Variants in PLD3 observed in about 807,000 individuals in gnomAD.
PLD3 encodes 5'-3' exonuclease PLD3.
Under a neutral mutation model 58.4 loss-of-function variants are expected in PLD3, and 31 were observed. That is an observed-to-expected ratio of 0.53 (90% confidence interval 0.40 to 0.72). PLD3 has a LOEUF of 0.72. Among genes scored for constraint, PLD3 ranks in the 30% least tolerant of loss-of-function variants. The pLI, the probability that PLD3 is intolerant of heterozygous loss-of-function variation, is 0.00. For missense variants in PLD3, 595 were observed against 659.8 expected (o/e 0.90, Z 1.08); for synonymous variants, 264 against 273.4 (o/e 0.97, Z 0.34).
chr19:40,363,543 G>C (rs2078838998), intron 1 of PLD3, among the ~76,000 whole-genome samples: 1 of 152,154 alleles, frequency 6.6e-6, no homozygotes, highest in Non-Finnish European at 1.5e-5. Flanking sequence ...CAATTCTCCT[G>C]CCTCAGTCTC....
intron 6 of PLD3, among the ~76,000 whole-genome samples, chr19:40,368,700 C>T (rs951377075): frequency 1.4e-4 from 21 of 152,122 alleles, no homozygotes; most frequent in African/African-American, 4.8e-4. Flanking sequence ...CCCAAGAGTT[C>T]GAGACTAGCC....
At chr19:40,364,632 A>G (rs574290772) in intron 1 of PLD3, among the ~76,000 whole-genome samples, 2 of 151,102 alleles carry the variant, frequency 1.3e-5, no homozygotes, top group East Asian at 3.9e-4. Flanking sequence ...TCTACTAAAA[A>G]ATACAAAAAA....
intron 1 of PLD3, among the ~76,000 whole-genome samples, chr19:40,349,094 T>C (rs2078413331): frequency 6.6e-6 from 1 of 152,016 alleles, no homozygotes; most frequent in Admixed American, 6.6e-5. Context: ...CCACCATAGG[T>C]CGTAATCGCT....
chr19:40,366,703 C>A lies in PLD3; in HGVS notation c.102+19C>A, dbSNP rs775053348. ...GGAAAAGGTAGGAGCCCTCCGCCAC[C>A]CTCGCTCTGTCTCAGAGACAGGCTG... On this transcript the variant is annotated intron_variant, in intron 4 of 12. Coordinates refer to ENST00000409735, the MANE Select transcript of PLD3 (RefSeq NM_012268.4). 1.9e-6 allele frequency: 3 copies of A among 1,613,688 alleles called. No individual in the cohort carries two copies. The highest frequency in any genetic ancestry group is 1.1e-5 in the South Asian group (1 of 91,050).
chr19:40,354,176 C>T (rs1184635472), intron 1 of PLD3, among the ~76,000 whole-genome samples: 1 of 148,892 alleles, frequency 6.7e-6, no homozygotes, highest in Non-Finnish European at 1.5e-5. Context: ...TGGGGTCAAG[C>T]GATTCCCCTG....
In PLD3 at chr19:40,367,919, G is replaced by A. The variant is rs567330157; in HGVS notation, c.429+40G>A. The stretch of plus-strand genomic sequence containing the variant: ...GGCCCTGGCCGGCAGCAGGGGCAGG[G>A]GGTGGGAGGCAGCGGGGGCTGTGGG... On this transcript the variant is annotated intron_variant, in intron 6 of 12. Coordinates refer to ENST00000409735, the MANE Select transcript of PLD3 (RefSeq NM_012268.4). 6.9e-5 allele frequency: 103 copies of A among 1,502,488 alleles called. No individual in the cohort carries two copies. The East Asian group carries it at 2.1e-3, about 31-fold the overall frequency. 93.1% of individuals were successfully genotyped at this position (1,502,488 alleles called of 1,614,324 possible). A position where few individuals can be genotyped will look rare whatever the true frequency, so the allele number is the denominator to read the frequency against.
At chr19:40,364,446 A>G (rs531939505) in intron 1 of PLD3, among the ~76,000 whole-genome samples, 4 of 151,856 alleles carry the variant, frequency 2.6e-5, no homozygotes, top group South Asian at 4.2e-4. Flanking sequence ...TGAGTCCAGG[A>G]GTTCAGCCTG....
intron 1 of PLD3, among the ~76,000 whole-genome samples, chr19:40,349,328 G>C (rs186925901): frequency 2.0e-5 from 3 of 152,124 alleles, no homozygotes; most frequent in Non-Finnish European, 4.4e-5. Context: ...CCTCTGACCA[G>C]TCACCATCCA....
intron 1 of PLD3, among the ~76,000 whole-genome samples, chr19:40,350,484 C>T (rs1243257111): frequency 6.6e-6 from 1 of 152,118 alleles, no homozygotes; most frequent in Admixed American, 6.6e-5. Flanking sequence ...ATGGCTCACA[C>T]CTGTAATCCA....
At chr19:40,365,455 T>A (rs2092272259) in intron 1 of PLD3, 1 of 152,282 alleles carries the variant, frequency 6.6e-6, no homozygotes, top group East Asian at 1.9e-4. Flanking sequence ...CTGTTGACTT[T>A]ATCGCTACCT....
intron 1 of PLD3, among the ~76,000 whole-genome samples, chr19:40,350,260 CAA>C (rs763559067): frequency 4.4e-5 from 3 of 68,116 alleles, no homozygotes; most frequent in South Asian, 5.3e-4. Flanking sequence ...GACTCCGTCT[CAA>C]AAAAAAAAAA....
chr19:40,361,562 C>G (rs925129014), intron 1 of PLD3, among the ~76,000 whole-genome samples: 4 of 152,188 alleles, frequency 2.6e-5, no homozygotes, highest in Middle Eastern at 3.2e-3. Context: ...CCCACTCCCC[C>G]CAGCCCACTT....
chr19:40,361,865 C>T (rs1052934168), intron 1 of PLD3, among the ~76,000 whole-genome samples: 1 of 148,348 alleles, frequency 6.7e-6, no homozygotes, highest in East Asian at 2.0e-4. Flanking sequence ...TTTTTTGAGA[C>T]GGAGTTTCCT....
At chr19:40,370,788 C>T (rs1308851990) in intron 8 of PLD3, 2 of 153,916 alleles carry the variant, frequency 1.3e-5, no homozygotes, top group Non-Finnish European at 2.9e-5. Flanking sequence ...CATTCAAGAA[C>T]CTGCGCACCC....
At chr19:40,370,528 C>A (rs1250050605) in intron 8 of PLD3, 2 of 262,072 alleles carry the variant, frequency 7.6e-6, no homozygotes, top group African/African-American at 2.3e-5. Context: ...AAAAAATAAG[C>A]CCGGTGTGGT....
intron 3 of PLD3, 22 bp from the exon 4 acceptor site, chr19:40,366,588 C>T (rs1199649986): frequency 1.3e-6 from 2 of 1,578,802 alleles, no homozygotes; most frequent in Admixed American, 1.8e-5. Context: ...CCTGTCACCC[C>T]CGTTGTTGTC....
chr19:40,368,005 G>A, intron 6 of PLD3, 126 bp downstream of exon 6: 2 of 789,818 alleles, frequency 2.5e-6, no homozygotes, highest in Admixed American at 2.8e-5. Flanking sequence ...ACAGCAGATT[G>A]GACACAGGTG....
chr19:40,375,824 C>T (rs11670439), intron 10 of PLD3, among the ~76,000 whole-genome samples: 25,132 of 151,480 alleles, frequency 0.17, 2,222 homozygotes, highest in Middle Eastern at 0.26. Flanking sequence ...TTTGGGAGGC[C>T]GAGGCGGAAG....
intron 2 of PLD3, 27 bp from the exon 3 acceptor site, chr19:40,366,392 A>T: frequency 1.9e-6 from 2 of 1,079,824 alleles, no homozygotes; most frequent in East Asian, 4.7e-5. Context: ...AGAACACCCC[A>T]CACAGTGCCC....
Sources: allele counts gnomAD v4.1 joint callset (sites outside exome capture counted in the v4.1 genomes callset), GRCh38; gene constraint gnomAD v4.1.1; transcripts MANE v1.5; gene names NCBI Gene and HGNC (gene_info 2026-07-23, HGNC 2026-07-21).